Variants in SEPTIN6 observed in about 807,000 individuals in gnomAD.
SEPTIN6 encodes septin-6.
Under a neutral mutation model 33.6 loss-of-function variants are expected in SEPTIN6, and 8 were observed. The observed-to-expected ratio is 0.24, with a 90% CI of 0.14 to 0.43. The LOEUF (loss-of-function observed/expected upper bound fraction) is 0.43, where lower values mean the gene tolerates loss of function less well. Ranked by LOEUF, SEPTIN6 falls within the 20% of genes least tolerant of loss-of-function variation. The pLI is 1.00. For missense variants in SEPTIN6, 250 were observed against 340.8 expected (o/e 0.73, Z 2.10); for synonymous variants, 131 against 140.0 (o/e 0.94, Z 0.45).
At chrX:119,674,083 G>A (rs1376764382) in intron 2 of SEPTIN6, among the ~76,000 whole-genome samples, 1 of 110,711 alleles carries the variant, frequency 9.0e-6, no homozygotes. Context: ...GAAGGTCACT[G>A]GAAATATGCA....
chrX:119,657,156 T>G (rs1322725098), intron 3 of SEPTIN6, among the ~76,000 whole-genome samples: 2 of 105,539 alleles, frequency 1.9e-5, no homozygotes, highest in African/African-American at 6.9e-5. Context: ...GAGGCGGAGG[T>G]TGCAGTGAGC....
chrX:119,625,524 A>T (rs2053844714), intron 9 of SEPTIN6, 145 bp from the exon 10 acceptor site: 6 of 476,664 alleles, frequency 1.3e-5, no homozygotes, highest in Non-Finnish European at 2.2e-5. Flanking sequence ...ACTGGTAGGA[A>T]CCCCTGAAAC....
At chrX:119,634,906 G>C (rs1268325268) in intron 7 of SEPTIN6, among the ~76,000 whole-genome samples, 1 of 109,186 alleles carries the variant, frequency 9.2e-6, no homozygotes, top group East Asian at 2.8e-4. Flanking sequence ...CTACTGGGGA[G>C]GCTGAGGCAG....
chrX:119,686,157 C>A (rs1014020557), intron 1 of SEPTIN6, among the ~76,000 whole-genome samples: 2 of 112,188 alleles, frequency 1.8e-5, no homozygotes, highest in Non-Finnish European at 3.8e-5. Flanking sequence ...ACCCACAGGC[C>A]TCTGGGTGAA....
At chrX:119,644,281 C>G (rs1398875985) in intron 5 of SEPTIN6, among the ~76,000 whole-genome samples, 1 of 111,315 alleles carries the variant, frequency 9.0e-6, no homozygotes, top group Non-Finnish European at 1.9e-5. Flanking sequence ...CAGAAAACTC[C>G]AACAAGAGAT....
intron 9 of SEPTIN6, among the ~76,000 whole-genome samples, chrX:119,626,554 G>C (rs886601444): frequency 2.7e-5 from 3 of 111,623 alleles, no homozygotes; most frequent in Non-Finnish European, 5.6e-5. Flanking sequence ...TACAGTACAG[G>C]GTGTGTCCAA....
rs1338425890 is a variant in SEPTIN6, at chrX:119,619,476, G to A, written c.*617C>T. The A allele has an allele frequency of 2.2e-5, 18 of 813,205 alleles. No individual in the cohort carries two copies. The highest frequency in any genetic ancestry group is 2.5e-5 in the Non-Finnish European group (17 of 676,519). The allele number at this position is 813,205 out of a possible 1,213,427, so 67.0% of individuals were successfully genotyped here. A position where few individuals can be genotyped will look rare whatever the true frequency, so the allele number is the denominator to read the frequency against. ...TGCCGATTTTGAGCACAGCTTGAGT[G>A]CAGTTACTTCGAGTGAATGAAAACT... On this transcript the variant is annotated 3_prime_UTR_variant, in exon 11 of 11. Transcript: ENST00000394610.
intron 2 of SEPTIN6, among the ~76,000 whole-genome samples, chrX:119,666,120 C>A (rs1239993909): frequency 9.1e-6 from 1 of 109,987 alleles, no homozygotes; most frequent in Non-Finnish European, 1.9e-5. Flanking sequence ...GCAGGCACTT[C>A]GAAGAGAGGA....
chrX:119,687,208 CTTCT>C (rs968587056), intron 1 of SEPTIN6, among the ~76,000 whole-genome samples: 8 of 107,275 alleles, frequency 7.5e-5, no homozygotes, highest in African/African-American at 2.8e-4. Context: ...TCCTTCTTTC[CTTCT>C]TTTTCCTTCT....
intron 10 of SEPTIN6, 125 bp downstream of exon 10, chrX:119,625,210 A>G (rs2053840790): frequency 2.0e-6 from 1 of 504,523 alleles, no homozygotes; most frequent in Non-Finnish European, 3.5e-6. Flanking sequence ...AAGTCACGAG[A>G]GAAAACCAGC....
chrX:119,688,182 C>T (rs1365674664), intron 1 of SEPTIN6, among the ~76,000 whole-genome samples: 1 of 111,889 alleles, frequency 8.9e-6, no homozygotes, highest in African/African-American at 3.2e-5. Flanking sequence ...ACCTTCACAC[C>T]TACCCATTTC....
At chrX:119,659,204 C>T (rs757524453) in intron 3 of SEPTIN6, among the ~76,000 whole-genome samples, 36 of 111,621 alleles carry the variant, frequency 3.2e-4, no homozygotes, top group Non-Finnish European at 5.1e-4. Flanking sequence ...CCTATTTTCC[C>T]AGCATCATCT....
At chrX:119,672,416 TG>T (rs1055128473) in intron 2 of SEPTIN6, among the ~76,000 whole-genome samples, 2 of 111,949 alleles carry the variant, frequency 1.8e-5, no homozygotes, top group African/African-American at 6.5e-5. Context: ...TGGCTGCCTC[TG>T]GGCCCTAGGG....
intron 1 of SEPTIN6, among the ~76,000 whole-genome samples, chrX:119,679,468 G>A (rs936635945): frequency 1.8e-5 from 2 of 111,626 alleles, no homozygotes; most frequent in African/African-American, 6.5e-5. Context: ...AGCCAGCAGA[G>A]TGACATCCAG....
rs2054378907 is a variant in SEPTIN6, at chrX:119,653,189, T to C, written c.342-149A>G. ...ATCTCCCTTCAGTGGGCCTCCAATC[T>C]TGTCAGCCTGGCCACCTTCTTGGTC... On this transcript the variant is annotated intron_variant, in intron 3 of 10. Coordinates refer to ENST00000394610, the MANE Select transcript of SEPTIN6 (RefSeq NM_145799.4). The C allele has an allele frequency of 6.1e-6, 3 of 490,938 alleles. No individual in the cohort carries two copies. The East Asian group carries it at 1.1e-4, about 18-fold the overall frequency. 40.5% of individuals were successfully genotyped at this position (490,938 alleles called of 1,213,427 possible). A position where few individuals can be genotyped will look rare whatever the true frequency, so the allele number is the denominator to read the frequency against.
chrX:119,636,905 C>T (rs1430646744), intron 7 of SEPTIN6, 122 bp downstream of exon 7: 2 of 842,709 alleles, frequency 2.4e-6, no homozygotes, highest in Non-Finnish European at 3.3e-6. Flanking sequence ...CGCCCCTGCT[C>T]CTTGAGGTCT....
At chrX:119,632,988 C>G (rs189668103) in intron 8 of SEPTIN6, among the ~76,000 whole-genome samples, 76 of 112,834 alleles carry the variant, frequency 6.7e-4, no homozygotes, top group African/African-American at 2.3e-3. Flanking sequence ...CAGCTCCACT[C>G]ATGTCCTTCT....
intron 10 of SEPTIN6, among the ~76,000 whole-genome samples, chrX:119,623,188 A>T (rs2147441918): frequency 8.9e-6 from 1 of 111,824 alleles, no homozygotes; most frequent in South Asian, 3.7e-4. Flanking sequence ...AGTCTTCTCT[A>T]TATTTTATAT....
At chrX:119,654,858 G>A (rs763599800) in intron 3 of SEPTIN6, among the ~76,000 whole-genome samples, 4 of 111,271 alleles carry the variant, frequency 3.6e-5, no homozygotes, top group Admixed American at 2.9e-4. Context: ...TGTTCCGAAG[G>A]GTAATCGCAT....
Sources: allele counts gnomAD v4.1 joint callset (sites outside exome capture counted in the v4.1 genomes callset), GRCh38; gene constraint gnomAD v4.1.1; transcripts MANE v1.5; gene names NCBI Gene and HGNC (gene_info 2026-07-23, HGNC 2026-07-21).